Variants in UROS observed in about 807,000 individuals in gnomAD.
UROS encodes uroporphyrinogen III synthase.
UROS carries 18 observed loss-of-function variants against 33.0 expected under a neutral mutation model. The ratio of observed to expected loss-of-function variants is 0.55; its 90% CI spans 0.38 to 0.81. UROS has a LOEUF of 0.81. UROS is among the 30% of genes least tolerant of loss of function. The probability of loss-of-function intolerance (pLI) is 0.00; values close to 1 mark genes in which losing one functional copy is unlikely to be tolerated. For synonymous variants in UROS, 114 were observed against 121.1 expected, an observed-to-expected ratio of 0.94 and a Z score of 0.38; for missense variants, 293 against 314.9, an observed-to-expected ratio of 0.93 and a Z score of 0.53.
chr10:125,816,666 T>A, intron 1 of UROS, 141 bp from the exon 2 acceptor site: 1 of 777,808 alleles, frequency 1.3e-6, no homozygotes, highest in Non-Finnish European at 2.2e-6. Flanking sequence ...GACTTAGCAC[T>A]AATGGGCTTG....
intron 9 of UROS, chr10:125,789,315 GA>G: frequency 3.8e-6 from 5 of 1,317,048 alleles, no homozygotes; most frequent in Non-Finnish European, 4.9e-6. Context: ...TCCTTCCTCA[GA>G]GGCTCTAGCT....
At chr10:125,806,203 A>G (rs1210106434) in intron 6 of UROS, among the ~76,000 whole-genome samples, 1 of 152,240 alleles carries the variant, frequency 6.6e-6, no homozygotes, top group East Asian at 1.9e-4. Context: ...ACGTCAAGAA[A>G]GGCCAACATC....
intron 6 of UROS, chr10:125,802,887 T>C: frequency 1.3e-6 from 2 of 1,580,458 alleles, no homozygotes; most frequent in Non-Finnish European, 1.7e-6. Context: ...CAGGCTGGCC[T>C]CACCCTCAGG....
intron 2 of UROS, 37 bp from the exon 3 acceptor site, chr10:125,816,297 C>T (rs1289698959): frequency 6.2e-7 from 1 of 1,609,064 alleles, no homozygotes; most frequent in Non-Finnish European, 8.5e-7. Flanking sequence ...TTGGCTAGGG[C>T]TGTTTTTAAA....
chr10:125,802,930 G>T (rs959289653), intron 6 of UROS: 48 of 1,611,352 alleles, frequency 3.0e-5, no homozygotes, highest in Non-Finnish European at 4.0e-5. Flanking sequence ...CCAAGGATGC[G>T]GCTAAACCCC....
chr10:125,820,782 G>T (rs1391594739), intron 1 of UROS, among the ~76,000 whole-genome samples: 1 of 152,182 alleles, frequency 6.6e-6, no homozygotes, highest in Non-Finnish European at 1.5e-5. Context: ...TTGGATCCTG[G>T]TCTGAAGCCC....
At chr10:125,812,421 T>A in intron 4 of UROS, 133 bp from the exon 5 acceptor site, 1 of 765,304 alleles carries the variant, frequency 1.3e-6, no homozygotes, top group Non-Finnish European at 2.2e-6. Context: ...AAAAACAGCA[T>A]CTCAAACTAA....
At chr10:125,794,761 C>A (rs1023778221) in intron 9 of UROS, 119 bp downstream of exon 9, 2 of 970,652 alleles carry the variant, frequency 2.1e-6, no homozygotes, top group East Asian at 5.4e-5. Context: ...CCTTCCAATT[C>A]TAAGGCACCT....
At chr10:125,816,668 A>C in intron 1 of UROS, 143 bp from the exon 2 acceptor site, 1 of 767,116 alleles carries the variant, frequency 1.3e-6, no homozygotes, top group Non-Finnish European at 2.2e-6. Context: ...CTTAGCACTA[A>C]TGGGCTTGTT....
intron 5 of UROS, among the ~76,000 whole-genome samples, chr10:125,810,135 A>G (rs1852677172): frequency 6.6e-6 from 1 of 152,192 alleles, no homozygotes; most frequent in Non-Finnish European, 1.5e-5. Context: ...TGGGCAGTGG[A>G]AAGTGGCTCC....
intron 1 of UROS, among the ~76,000 whole-genome samples, chr10:125,821,380 C>A (rs530590781): frequency 1.3e-5 from 2 of 152,292 alleles, no homozygotes; most frequent in South Asian, 4.1e-4. Context: ...ATGAAATAGT[C>A]ACAAAAGGAA....
intron 8 of UROS, 80 bp downstream of exon 8, chr10:125,796,023 T>A (rs1488778607): frequency 6.4e-6 from 8 of 1,252,776 alleles, no homozygotes; most frequent in African/African-American, 1.5e-5. Flanking sequence ...AGAACCAACA[T>A]CTATCAGCTC....
intron 9 of UROS, chr10:125,789,445 G>A: frequency 7.1e-6 from 7 of 985,418 alleles, no homozygotes; most frequent in Middle Eastern, 5.3e-4. Context: ...GGCTCTGTGG[G>A]CACAGGGTTG....
In UROS at chr10:125,788,598, G is replaced by A; in HGVS notation, c.*270C>T. 2.2e-6 allele frequency: 3 copies of A among 1,392,582 alleles called. No individual in the cohort carries two copies. The highest frequency in any genetic ancestry group is 2.8e-6 in the Non-Finnish European group (3 of 1,074,626). The allele number at this position is 1,392,582 out of a possible 1,614,324, so 86.3% of individuals were successfully genotyped here. On this transcript the variant is annotated 3_prime_UTR_variant, in exon 10 of 10. Coordinates refer to ENST00000368797, the MANE Select transcript of UROS (RefSeq NM_000375.3). Reference sequence around the variant, plus strand: ...TACACTCAGTAAGCACAGGTAGTCAGTGTGGTTTATTTGACTTCCTTCCTG... The same window carrying A: ...TACACTCAGTAAGCACAGGTAGTCAATGTGGTTTATTTGACTTCCTTCCTG...
intron 6 of UROS, 40 bp from the exon 7 acceptor site, chr10:125,798,185 A>C (rs1380417485): frequency 6.2e-7 from 1 of 1,605,124 alleles, no homozygotes; most frequent in Admixed American, 1.7e-5. Context: ...ACTCAGGGCC[A>C]GTGCCTGTGC....
chr10:125,821,586 G>A (rs1255519059), intron 1 of UROS, among the ~76,000 whole-genome samples: 1 of 152,148 alleles, frequency 6.6e-6, no homozygotes, highest in African/African-American at 2.4e-5. Flanking sequence ...CCACTGAACT[G>A]TATCTTTAAA....
At chr10:125,795,232 G>C (rs1352347522) in intron 8 of UROS, 9 of 526,452 alleles carry the variant, frequency 1.7e-5, no homozygotes, top group Non-Finnish European at 2.8e-5. Flanking sequence ...CAGAGGACAT[G>C]GGCATCCCGG....
At chr10:125,808,937 G>A (rs994524757) in intron 5 of UROS, among the ~76,000 whole-genome samples, 4 of 152,256 alleles carry the variant, frequency 2.6e-5, no homozygotes, top group Non-Finnish European at 4.4e-5. Context: ...CACTCTGGCT[G>A]GGTAAGCCCA....
At chr10:125,794,677 C>T (rs1851198191) in intron 9 of UROS, among the ~76,000 whole-genome samples, 1 of 152,150 alleles carries the variant, frequency 6.6e-6, no homozygotes, top group South Asian at 2.1e-4. Flanking sequence ...CAATTATCCC[C>T]ATGCTGCAAG....
Sources: gnomAD v4.1 joint callset for allele counts (sites outside exome capture counted in the v4.1 genomes callset) on GRCh38, gnomAD v4.1.1 for gene constraint, MANE v1.5 for transcripts, NCBI Gene and HGNC (gene_info 2026-07-23, HGNC 2026-07-21) for gene names.